The following TBPL1 variants were observed in gnomAD, a reference collection of about 807,000 sequenced individuals.
TBPL1 encodes the protein TATA-box binding protein like 1, also known as TATA box-binding protein-like 1.
Under a neutral mutation model 22.1 loss-of-function variants are expected in TBPL1, and 4 were observed. That is an observed-to-expected ratio of 0.18 (90% CI 0.09 to 0.41). TBPL1 has a LOEUF of 0.41. Among genes scored for constraint, TBPL1 ranks in the 10% least tolerant of loss-of-function variants. TBPL1 has a pLI of 1.00. For synonymous variants in TBPL1, 64 were observed against 71.0 expected (o/e 0.90, Z 0.50); for missense variants, 115 against 222.3 (o/e 0.52, Z 3.07).
Position 133,985,313 on chromosome 6 carries a change from T to C in TBPL1, c.481+642T>C, listed in dbSNP as rs1212342483. On this transcript the variant is annotated intron_variant, in intron 6 of 6. Transcript: ENST00000237264. ...AAAAAAAAAAATATATATATATATA[T>C]ATATATATATATATATATATATATA... Among the ~76,000 whole-genome samples the C allele has an allele frequency of 9.3e-3, 314 of 33,916 alleles. 35 individuals carry two copies. The highest frequency in any genetic ancestry group is 0.028 in the African/African-American group (239 of 8,640). The allele number at this position is 33,916 out of a possible 152,430, so 22.3% of individuals were successfully genotyped here.
chr6:133,987,124 C>T lies in TBPL1; in HGVS notation c.*84C>T. The T allele has an allele frequency of 1.2e-6, 1 of 847,180 alleles. No homozygotes were observed. Among genetic ancestry groups the T allele is most frequent in the African/African-American group, 1.7e-5 (1 of 57,960 alleles). 52.5% of individuals were successfully genotyped at this position (847,180 alleles called of 1,614,324 possible). A position where few individuals can be genotyped will look rare whatever the true frequency, so the allele number is the denominator to read the frequency against. ...GGACTCAAAAGGAAAACTGGACCAACAATAATTGAGGAAATAGACTCTTTT... is the reference window on the plus strand; with the variant it reads ...GGACTCAAAAGGAAAACTGGACCAATAATAATTGAGGAAATAGACTCTTTT... On this transcript the variant is annotated 3_prime_UTR_variant, in exon 7 of 7. Coordinates refer to ENST00000237264, the MANE Select transcript of TBPL1 (RefSeq NM_004865.4).
At chr6:133,984,922 T>C (rs979292186) in intron 6 of TBPL1, among the ~76,000 whole-genome samples, 2 of 152,138 alleles carry the variant, frequency 1.3e-5, no homozygotes, top group African/African-American at 4.8e-5. Context: ...TTATATTCTA[T>C]GTAGCTGTAT....
intron 1 of TBPL1, among the ~76,000 whole-genome samples, chr6:133,957,074 A>G (rs1775939637): frequency 6.6e-6 from 1 of 152,182 alleles, no homozygotes; most frequent in South Asian, 2.1e-4. Flanking sequence ...CAGAAATTCT[A>G]CTTGTCTGTG....
At chr6:133,979,932 C>A in intron 1 of TBPL1, 150 bp from the exon 2 acceptor site, 5 of 555,032 alleles carry the variant, frequency 9.0e-6, no homozygotes, top group Non-Finnish European at 1.3e-5. Flanking sequence ...CAGACATGAG[C>A]CACTGTGCCC....
intron 3 of TBPL1, 45 bp from the exon 4 acceptor site, chr6:133,982,772 A>G: frequency 6.3e-7 from 1 of 1,598,558 alleles, no homozygotes; most frequent in Non-Finnish European, 8.5e-7. Flanking sequence ...TATAACATTT[A>G]TTTCCTGTGT....
At chr6:133,971,262 C>T (rs993531644) in intron 1 of TBPL1, among the ~76,000 whole-genome samples, 3 of 151,990 alleles carry the variant, frequency 2.0e-5, no homozygotes, top group Non-Finnish European at 4.4e-5. Flanking sequence ...TCACAAATGA[C>T]AAGATTTCTT....
In TBPL1 at chr6:133,988,033, T is replaced by C. The variant is rs530494423; in HGVS notation, c.*993T>C. The stretch of plus-strand genomic sequence containing the variant: ...TTAATCTTGGGTTGATGCCCAAGCC[T>C]ATACTAAGAGTCTTGTCAGAAGTTG... On this transcript the variant is annotated 3_prime_UTR_variant, in exon 7 of 7. Transcript: ENST00000237264. 1.3e-5 allele frequency: 2 copies of C among 152,274 alleles called. No individual in the cohort carries two copies. Among genetic ancestry groups the C allele is most frequent in the South Asian group, 4.1e-4 (2 of 4,820 alleles). 9.4% of individuals were successfully genotyped at this position (152,274 alleles called of 1,614,324 possible). A position where few individuals can be genotyped will look rare whatever the true frequency, so the allele number is the denominator to read the frequency against.
intron 1 of TBPL1, among the ~76,000 whole-genome samples, chr6:133,962,952 A>G (rs139729793): frequency 5.2e-4 from 79 of 152,346 alleles, no homozygotes; most frequent in Non-Finnish European, 8.2e-4. Context: ...AAGCTTCTTC[A>G]GAATCCAGGG....
At chr6:133,955,714 G>A (rs754927575) in intron 1 of TBPL1, among the ~76,000 whole-genome samples, 12 of 152,076 alleles carry the variant, frequency 7.9e-5, no homozygotes, top group Non-Finnish European at 1.5e-4. Context: ...AATTGTAGAC[G>A]GTCACTTTTT....
intron 1 of TBPL1, among the ~76,000 whole-genome samples, chr6:133,978,831 T>C (rs148308183): frequency 6.6e-6 from 1 of 152,346 alleles, no homozygotes; most frequent in East Asian, 1.9e-4. Context: ...GTTTTAGTTA[T>C]ATAATAATTT....
intron 1 of TBPL1, 36 bp from the exon 2 acceptor site, chr6:133,980,046 T>G: frequency 3.7e-6 from 5 of 1,340,374 alleles, no homozygotes; most frequent in Non-Finnish European, 4.9e-6. Context: ...TTAACAACAT[T>G]TAAGTTTAAT....
intron 1 of TBPL1, among the ~76,000 whole-genome samples, chr6:133,956,429 A>G (rs1301012940): frequency 6.6e-6 from 1 of 152,198 alleles, no homozygotes; most frequent in East Asian, 1.9e-4. Context: ...ACATGTGTGT[A>G]ATAAAACATG....
intron 1 of TBPL1, among the ~76,000 whole-genome samples, chr6:133,966,957 GCTT>G (rs1017344631): frequency 6.6e-6 from 1 of 152,290 alleles, no homozygotes; most frequent in Admixed American, 6.5e-5. Flanking sequence ...GTCAGTTCTT[GCTT>G]CTTTTTTAGC....
At chr6:133,963,243 A>C (rs1283423349) in intron 1 of TBPL1, among the ~76,000 whole-genome samples, 1 of 152,176 alleles carries the variant, frequency 6.6e-6, no homozygotes, top group Non-Finnish European at 1.5e-5. Context: ...ATGGAGAGGG[A>C]AATTCCATTA....
At chr6:133,986,045 T>C (rs1221814839) in intron 6 of TBPL1, 1 of 152,192 alleles carries the variant, frequency 6.6e-6, no homozygotes, top group Non-Finnish European at 1.5e-5. Context: ...ACAATTCACC[T>C]GGTTAAGCAG....
chr6:133,962,343 T>C (rs1471215059), intron 1 of TBPL1, among the ~76,000 whole-genome samples: 1 of 152,196 alleles, frequency 6.6e-6, no homozygotes, highest in Admixed American at 6.5e-5. Flanking sequence ...CAGAGAGTTC[T>C]ATTAGAAGCC....
At chr6:133,980,366 A>G (rs1776387751) in intron 2 of TBPL1, 106 bp downstream of exon 2, 4 of 1,298,986 alleles carry the variant, frequency 3.1e-6, no homozygotes, top group East Asian at 5.4e-5. Context: ...GCACCTTACC[A>G]TGTGCTGGTT....
At chr6:133,981,612 A>C (rs887167840) in intron 2 of TBPL1, among the ~76,000 whole-genome samples, 2 of 152,170 alleles carry the variant, frequency 1.3e-5, no homozygotes, top group Non-Finnish European at 2.9e-5. Context: ...TTTTAGTTCA[A>C]ATTTTATCTT....
At chr6:133,981,045 T>C (rs1018795656) in intron 2 of TBPL1, among the ~76,000 whole-genome samples, 1 of 143,562 alleles carries the variant, frequency 7.0e-6, no homozygotes, top group Non-Finnish European at 1.5e-5. Flanking sequence ...TGATCACAGC[T>C]CACTGCAACC....
Sources: gnomAD v4.1 joint callset for allele counts (sites outside exome capture counted in the v4.1 genomes callset) on GRCh38, gnomAD v4.1.1 for gene constraint, MANE v1.5 for transcripts, NCBI Gene and HGNC (gene_info 2026-07-23, HGNC 2026-07-21) for gene names.